The following ACOT11 variants were observed in gnomAD, a reference collection of about 807,000 sequenced individuals.
The protein encoded by ACOT11 is acyl-coenzyme A thioesterase 11.
ACOT11 carries 69 observed loss-of-function variants against 77.5 expected under a neutral mutation model. That is an observed-to-expected ratio of 0.89 (90% CI 0.73 to 1.09). The LOEUF is 1.09. ACOT11 is among the 50% of genes least tolerant of loss of function. The pLI, the probability that ACOT11 is intolerant of heterozygous loss-of-function variation, is 0.00. For missense variants in ACOT11, 766 were observed against 813.7 expected, an observed-to-expected ratio of 0.94 and a Z score of 0.71; for synonymous variants, 279 against 313.0, an observed-to-expected ratio of 0.89 and a Z score of 1.15.
In ACOT11 at chr1:54,548,269, T is replaced by C; in HGVS notation, c.-41T>C. The C allele has an allele frequency of 1.9e-6, 3 of 1,579,308 alleles. No individual in the cohort carries two copies. The highest frequency in any genetic ancestry group is 2.3e-5 in the South Asian group (2 of 86,020). On this transcript the variant is annotated 5_prime_UTR_variant, in exon 1 of 16. Coordinates refer to ENST00000343744, the MANE Select transcript of ACOT11 (RefSeq NM_147161.4). ...GGCTGTTGCTCAGGTGACCAGCTTG[T>C]GTCTCTGGGAGGGCGCTGCTTTCCC... is the stretch of plus-strand genomic sequence containing the variant.
In ACOT11 at chr1:54,593,928, T is replaced by C; in HGVS notation, c.373-13T>C. ...TTGTTCCTCATTCCTTCGCCCTTAC[T>C]GTTCCTCTCCAGGTGGGCATCCAGG... On this transcript the variant is annotated splice_polypyrimidine_tract_variant and intron_variant, in intron 4 of 15. Coordinates refer to ENST00000343744, the MANE Select transcript of ACOT11 (RefSeq NM_147161.4). 3 of 1,612,166 alleles carry C rather than the reference T, an allele frequency of 1.9e-6. No individual in the cohort carries two copies. Among genetic ancestry groups the C allele is most frequent in the Non-Finnish European group, 2.5e-6 (3 of 1,178,410 alleles).
At chr1:54,614,208 T>C (rs929320433), downstream of ACOT11, among the ~76,000 whole-genome samples, 3 of 152,134 alleles carry the variant, frequency 2.0e-5, no homozygotes, top group African/African-American at 4.8e-5. Flanking sequence ...AACTACTGTA[T>C]GTGAGGGCTG....
intron 8 of ACOT11, among the ~76,000 whole-genome samples, chr1:54,600,654 G>C (rs891019027): frequency 2.0e-5 from 3 of 152,184 alleles, no homozygotes; most frequent in Non-Finnish European, 4.4e-5. Flanking sequence ...CTGTACTCCA[G>C]CCTGGGCGAC....
At chr1:54,549,565 A>G (rs1652991438) in intron 1 of ACOT11, among the ~76,000 whole-genome samples, 1 of 152,168 alleles carries the variant, frequency 6.6e-6, no homozygotes, top group Admixed American at 6.5e-5. Context: ...CTCCTCTGGA[A>G]GTCCTTCTCA....
chr1:54,568,552 C>G (rs959537882), intron 1 of ACOT11, among the ~76,000 whole-genome samples: 1 of 151,640 alleles, frequency 6.6e-6, no homozygotes, highest in African/African-American at 2.4e-5. Flanking sequence ...TTAGTAGAGA[C>G]GGGGTTTCTC....
intron 1 of ACOT11, among the ~76,000 whole-genome samples, chr1:54,557,276 C>T (rs1166303762): frequency 1.3e-5 from 2 of 150,656 alleles, no homozygotes; most frequent in African/African-American, 4.9e-5. Context: ...CCTGTAATCC[C>T]AGCTACTGAG....
At chr1:54,625,557 T>G (rs1416942718) in intron 15 of ACOT11, among the ~76,000 whole-genome samples, 1 of 152,180 alleles carries the variant, frequency 6.6e-6, no homozygotes, top group Non-Finnish European at 1.5e-5. Context: ...TGACAGAAGC[T>G]ACATCTCGAG....
chr1:54,614,704 T>C, downstream of ACOT11: 2 of 1,612,134 alleles, frequency 1.2e-6, no homozygotes, highest in Non-Finnish European at 1.7e-6. Context: ...ACTCACTGTG[T>C]GGCATTGACC....
chr1:54,565,677 A>G (rs913435645), intron 1 of ACOT11, among the ~76,000 whole-genome samples: 1 of 152,140 alleles, frequency 6.6e-6, no homozygotes, highest in Non-Finnish European at 1.5e-5. Context: ...TAGCAGTCAT[A>G]GATTTCTGAA....
At chr1:54,588,934 G>A (rs1056040544) in intron 3 of ACOT11, among the ~76,000 whole-genome samples, 27 of 152,156 alleles carry the variant, frequency 1.8e-4, no homozygotes, top group South Asian at 2.1e-4. Context: ...CCTGAGGAAA[G>A]ATTAAGAAGT....
At chr1:54,573,689 C>T (rs998967564) in intron 1 of ACOT11, among the ~76,000 whole-genome samples, 4 of 151,564 alleles carry the variant, frequency 2.6e-5, no homozygotes, top group Admixed American at 2.0e-4. Flanking sequence ...GCCAAGATCA[C>T]ACCGCTGCAT....
chr1:54,592,659 T>C (rs376455629), intron 4 of ACOT11, 53 bp downstream of exon 4: 3 of 1,574,644 alleles, frequency 1.9e-6, no homozygotes, highest in South Asian at 1.1e-5. Flanking sequence ...GTCCTCTACC[T>C]CCTCTCTCCA....
Position 54,585,857 on chromosome 1 carries a change from C to G in ACOT11, c.264C>G (p.Pro88=). Residue 88 remains proline, a synonymous_variant, in exon 3 of 16, where the codon CCC becomes CCG. Transcript: ENST00000343744. ...CLSAERHAGC[P]CVTASMDDIY... The stretch of plus-strand genomic sequence containing the variant: ...CAGCGGAGAGGCACGCTGGCTGCCC[C>G]TGTGTCACAGCTTCCATGGATGACA... 6.2e-7 allele frequency: 1 copy of G among 1,614,140 alleles called. No homozygotes were observed. The highest frequency in any genetic ancestry group is 8.5e-7 in the Non-Finnish European group (1 of 1,180,004).
rs1358017125 is a variant in ACOT11 at position 54,584,639 on chromosome 1, C to T, written c.34-16C>T. Reference sequence around the variant, plus strand: ...GCAGACCTCTCTGTCCCCACCTGTCCCCACCTGTACCCCAGGGCTTGGCCT... The same window carrying T: ...GCAGACCTCTCTGTCCCCACCTGTCTCCACCTGTACCCCAGGGCTTGGCCT... On this transcript the variant is annotated splice_polypyrimidine_tract_variant and intron_variant, in intron 1 of 15. Coordinates refer to ENST00000343744, the MANE Select transcript of ACOT11 (RefSeq NM_147161.4). The surrounding 1 kb of genome is among the most constrained non-coding windows in gnomAD (Gnocchi z 6.3). The T allele has an allele frequency of 5.0e-6, 8 of 1,612,252 alleles. No homozygotes were observed. The highest frequency in any genetic ancestry group is 1.3e-5 in the African/African-American group (1 of 74,848).
At chr1:54,604,581 G>A (rs750896281) in intron 12 of ACOT11, 152 bp downstream of exon 12, 44 of 738,568 alleles carry the variant, frequency 6.0e-5, no homozygotes, top group East Asian at 8.1e-5. Flanking sequence ...TTATGGAAAC[G>A]TACCCACCCC....
chr1:54,609,005 A>G lies in ACOT11; in HGVS notation c.1678A>G (p.Thr560Ala). The change falls in exon 16 of 16, where the codon ACC becomes GCC. Residue 560 changes from threonine (T) to alanine (A), a missense_variant. Thr to Ala is a moderately conservative substitution (Grantham distance 58, BLOSUM62 0). Coordinates refer to ENST00000343744, the MANE Select transcript of ACOT11 (RefSeq NM_147161.4). Reference protein sequence around the residue: ...ATPGVLNYVTTNVAGLSSEFY... With the variant: ...ATPGVLNYVTANVAGLSSEFY... ...CCCAGGTGTTCTCAACTATGTGACC[A>G]CCAACGTGGCCGGCCTCTCCTCTGA... is the stretch of plus-strand genomic sequence containing the variant. The G allele has an allele frequency of 6.2e-7, 1 of 1,607,872 alleles. No homozygotes were observed. The highest frequency in any genetic ancestry group is 1.4e-5 in the African/African-American group (1 of 72,964).
chr1:54,567,635 C>G (rs1303509887), intron 1 of ACOT11, among the ~76,000 whole-genome samples: 1 of 150,730 alleles, frequency 6.6e-6, no homozygotes, highest in Non-Finnish European at 1.5e-5. Context: ...CGACCAAGTC[C>G]CCTAGCCGCT....
intron 15 of ACOT11, chr1:54,628,031 C>T (rs1644281227): frequency 7.5e-6 from 1 of 133,574 alleles, no homozygotes; most frequent in South Asian, 2.5e-4. Flanking sequence ...AGCCCTTACC[C>T]ATGGGATAAG....
At chr1:54,606,722 A>G (rs1216790773) in intron 13 of ACOT11, among the ~76,000 whole-genome samples, 1 of 152,230 alleles carries the variant, frequency 6.6e-6, no homozygotes, top group African/African-American at 2.4e-5. Flanking sequence ...GTGGGCGCTC[A>G]GTAAATATTA....
Sources: allele counts gnomAD v4.1 joint callset (sites outside exome capture counted in the v4.1 genomes callset), GRCh38; gene constraint gnomAD v4.1.1; non-coding constraint Gnocchi (gnomAD v3.1); transcripts MANE v1.5; gene names NCBI Gene and HGNC (gene_info 2026-07-23, HGNC 2026-07-21).